NOVA2: variants seen among roughly 807,000 people sequenced by gnomAD.
NOVA2 encodes NOVA alternative splicing regulator 2.
A neutral mutation model predicts 22.5 loss-of-function variants in NOVA2; 9 were observed. That is an observed-to-expected ratio of 0.40 (90% confidence interval 0.24 to 0.70). NOVA2 has a LOEUF of 0.70. Ranked by LOEUF, NOVA2 falls within the 30% of genes least tolerant of loss-of-function variation. The pLI is 0.38. For missense variants in NOVA2, 383 were observed against 682.8 expected, an observed-to-expected ratio of 0.56 and a Z score of 4.89; for synonymous variants, 318 against 335.2, an observed-to-expected ratio of 0.95 and a Z score of 0.56.
chr19:45,964,038 T>G (rs1259446364), intron 1 of NOVA2, among the ~76,000 whole-genome samples: 1 of 152,040 alleles, frequency 6.6e-6, no homozygotes, highest in Non-Finnish European at 1.5e-5. Flanking sequence ...CAGCACATAC[T>G]AGGTTTGCAA....
rs957417860 is a variant in NOVA2 at position 45,938,500 on chromosome 19, C to A, written c.*1363G>T. On this transcript the variant is annotated 3_prime_UTR_variant, in exon 4 of 4. Transcript: ENST00000263257. Reference sequence around the variant, plus strand: ...CCATACTGGCCTGACAGAGCCACCACACACTTGGCTCACCCGATTCAATGA... The same window carrying A: ...CCATACTGGCCTGACAGAGCCACCAAACACTTGGCTCACCCGATTCAATGA... The A allele has an allele frequency of 6.6e-6, 1 of 152,638 alleles. No individual in the cohort carries two copies. The highest frequency in any genetic ancestry group is 2.4e-5 in the African/African-American group (1 of 41,464). The allele number at this position is 152,638 out of a possible 1,614,324, so 9.5% of individuals were successfully genotyped here. A position where few individuals can be genotyped will look rare whatever the true frequency, so the allele number is the denominator to read the frequency against.
At position 45,940,432 on chromosome 19, in the gene NOVA2, C is replaced by A. The variant is rs1345027347; in HGVS notation, c.910G>T (p.Ala304Ser). Reference sequence around the variant, plus strand: ...ACGGCGGCCAGGACGCCGGAAGCTGCGGCCGAGTTGAGGCCCAGGCCCAGG... The same window carrying A: ...ACGGCGGCCAGGACGCCGGAAGCTGAGGCCGAGTTGAGGCCCAGGCCCAGG... Reference protein sequence around the residue: ...NSLGLGLNSAAASGVLAAVAA... With the variant: ...NSLGLGLNSASASGVLAAVAA... The change falls in exon 4 of 4, where the codon GCA becomes TCA. Residue 304 changes from alanine to serine, a missense_variant. Coordinates refer to ENST00000263257, the MANE Select transcript of NOVA2 (RefSeq NM_002516.4). The A allele has an allele frequency of 6.7e-7, 1 of 1,501,918 alleles. No individual in the cohort carries two copies. The highest frequency in any genetic ancestry group is 8.9e-7 in the Non-Finnish European group (1 of 1,124,100). 93.0% of individuals were successfully genotyped at this position (1,501,918 alleles called of 1,614,324 possible). A position where few individuals can be genotyped will look rare whatever the true frequency, so the allele number is the denominator to read the frequency against.
intron 3 of NOVA2, 31 bp from the exon 4 acceptor site, chr19:45,940,976 A>C (rs1295975344): frequency 6.5e-7 from 1 of 1,545,550 alleles, no homozygotes. Flanking sequence ...AGGGTCTTTA[A>C]TTTTATTTTT....
intron 2 of NOVA2, among the ~76,000 whole-genome samples, chr19:45,960,061 A>C (rs1295621060): frequency 4.8e-5 from 7 of 145,234 alleles, no homozygotes. Flanking sequence ...GAATAGAGAG[A>C]GTGGAGGGGC....
chr19:45,972,836 A>G (rs1351313199), intron 1 of NOVA2, among the ~76,000 whole-genome samples: 2 of 152,070 alleles, frequency 1.3e-5, no homozygotes, highest in Non-Finnish European at 2.9e-5. Context: ...ACCCTTGTTC[A>G]GGACATCCCC....
chr19:45,962,026 G>A (rs1483589208), intron 1 of NOVA2, among the ~76,000 whole-genome samples: 3 of 152,184 alleles, frequency 2.0e-5, no homozygotes, highest in Non-Finnish European at 4.4e-5. Flanking sequence ...CCACAGTGAG[G>A]TCCTTAACTT....
intron 1 of NOVA2, among the ~76,000 whole-genome samples, chr19:45,965,717 G>A (rs902529974): frequency 3.3e-5 from 5 of 151,024 alleles, no homozygotes; most frequent in African/African-American, 1.2e-4. Flanking sequence ...GTGACAGAGT[G>A]AGACTGTGTC....
At position 45,939,464 on chromosome 19, in the gene NOVA2, G is replaced by T. The variant is rs537383279; in HGVS notation, c.*399C>A. ...ATATGGAAACAAAAACTTATAAAGGGGGAAAAAATCCTTACCAAAAAAAAA... is the reference window on the plus strand; with the variant it reads ...ATATGGAAACAAAAACTTATAAAGGTGGAAAAAATCCTTACCAAAAAAAAA... On this transcript the variant is annotated 3_prime_UTR_variant, in exon 4 of 4. Coordinates refer to ENST00000263257, the MANE Select transcript of NOVA2 (RefSeq NM_002516.4). 6.3e-4 allele frequency: 88 copies of T among 139,286 alleles called. No homozygotes were observed. Among genetic ancestry groups the T allele is most frequent in the Non-Finnish European group, 7.9e-4 (54 of 68,106 alleles). The allele number at this position is 139,286 out of a possible 1,614,324, so 8.6% of individuals were successfully genotyped here.
Position 45,938,579 on chromosome 19 carries a change from G to A in NOVA2, c.*1284C>T, listed in dbSNP as rs930505270. ...CACAAAAGGCAGGGGTGGGAAGGGA[G>A]GTCTTTAACAGTAGTTTGCACTAGG... On this transcript the variant is annotated 3_prime_UTR_variant, in exon 4 of 4. Transcript: ENST00000263257. 2.0e-5 allele frequency: 3 copies of A among 152,492 alleles called. No homozygotes were observed. Among genetic ancestry groups the A allele is most frequent in the African/African-American group, 7.2e-5 (3 of 41,452 alleles). 9.4% of individuals were successfully genotyped at this position (152,492 alleles called of 1,614,324 possible).
At chr19:45,970,574 C>G (rs926175761) in intron 1 of NOVA2, among the ~76,000 whole-genome samples, 1 of 152,004 alleles carries the variant, frequency 6.6e-6, no homozygotes, top group Admixed American at 6.6e-5. Context: ...TGGGGTCTCA[C>G]CATGTTGGCC....
intron 2 of NOVA2, among the ~76,000 whole-genome samples, chr19:45,954,374 A>C (rs930410596): frequency 6.6e-6 from 1 of 151,832 alleles, no homozygotes; most frequent in Non-Finnish European, 1.5e-5. Flanking sequence ...AGTAACTGGA[A>C]CCCCCTTATC....
intron 3 of NOVA2, among the ~76,000 whole-genome samples, chr19:45,945,464 G>A (rs1294273074): frequency 6.6e-6 from 1 of 151,842 alleles, no homozygotes; most frequent in Non-Finnish European, 1.5e-5. Flanking sequence ...TTTTTAAATA[G>A]GGTCTTGCTC....
rs748843460 is a variant in NOVA2, at chr19:45,973,341, T to C, written c.11A>G (p.Glu4Gly). The C allele has an allele frequency of 1.7e-6, 2 of 1,183,966 alleles. No homozygotes were observed. Among genetic ancestry groups the C allele is most frequent in the Non-Finnish European group, 2.1e-6 (2 of 940,988 alleles). 73.3% of individuals were successfully genotyped at this position (1,183,966 alleles called of 1,614,324 possible). A position where few individuals can be genotyped will look rare whatever the true frequency, so the allele number is the denominator to read the frequency against. The change falls in exon 1 of 4, where the codon GAG becomes GGG. Residue 4 changes from glutamate to glycine, a missense_variant. Coordinates refer to ENST00000263257, the MANE Select transcript of NOVA2 (RefSeq NM_002516.4). MEP[E>G]APDSRKRPLE... is the part of the protein sequence containing the mutation. ...GGGCCTCTTGCGGGAATCCGGGGCC[T>C]CGGGCTCCATGGGGGGGGCCTGGGG...
chr19:45,954,030 G>C, intron 2 of NOVA2, 84 bp from the exon 3 acceptor site: 1 of 1,454,180 alleles, frequency 6.9e-7, no homozygotes, highest in Admixed American at 1.7e-5. Flanking sequence ...TAATGGAAGA[G>C]GCAAGCTGAG....
At position 45,958,527 on chromosome 19, in the gene NOVA2, GAC is replaced by G. The variant is rs536172579; in HGVS notation, c.229+2481_229+2482del. On this transcript the variant is annotated intron_variant, in intron 2 of 3. Coordinates refer to ENST00000263257, the MANE Select transcript of NOVA2 (RefSeq NM_002516.4). ...TGTGTAAGCATGTGTGACAATGTGTGACAGTGTGTGTGACTGTGTGTAAGCGT... is the reference window on the plus strand; with the variant it reads ...TGTGTAAGCATGTGTGACAATGTGTGAGTGTGTGTGACTGTGTGTAAGCGT... 3.2e-4 allele frequency among the ~76,000 whole-genome samples: 44 copies of G among 135,470 alleles called. No individual in the cohort carries two copies. The East Asian group carries it at 0.011, about 34-fold the overall frequency. The allele number at this position is 135,470 out of a possible 152,430, so 88.9% of individuals were successfully genotyped here.
At chr19:45,952,958 C>A (rs932931553) in intron 3 of NOVA2, among the ~76,000 whole-genome samples, 1 of 152,242 alleles carries the variant, frequency 6.6e-6, no homozygotes, top group African/African-American at 2.4e-5. Context: ...TAGACGTTAA[C>A]GAGCCCTCGC....
rs557853811 is a variant in NOVA2 at position 45,950,517 on chromosome 19, C to T, written c.396+3263G>A. ...TGCCCAGTGCCTGGCACATGGGAAGCGCTAAGCCAATGGCAGCTGCCTTCA... is the reference window on the plus strand; with the variant it reads ...TGCCCAGTGCCTGGCACATGGGAAGTGCTAAGCCAATGGCAGCTGCCTTCA... On this transcript the variant is annotated intron_variant, in intron 3 of 3. Transcript: ENST00000263257. Among the ~76,000 whole-genome samples the T allele has an allele frequency of 6.6e-5, 10 of 152,280 alleles. No homozygotes were observed. The South Asian group carries it at 1.7e-3, about 25-fold the overall frequency.
chr19:45,956,547 G>A (rs1023885301), intron 2 of NOVA2, among the ~76,000 whole-genome samples: 1 of 151,728 alleles, frequency 6.6e-6, no homozygotes, highest in Non-Finnish European at 1.5e-5. Flanking sequence ...CTCAGATCAC[G>A]GCAACCTCTG....
chr19:45,942,883 C>G (rs962563799), intron 3 of NOVA2, among the ~76,000 whole-genome samples: 1 of 151,558 alleles, frequency 6.6e-6, no homozygotes, highest in African/African-American at 2.4e-5. Context: ...CTTCCCATGT[C>G]CCCTTAAACC....
Sources: allele counts gnomAD v4.1 joint callset (sites outside exome capture counted in the v4.1 genomes callset), GRCh38; gene constraint gnomAD v4.1.1; transcripts MANE v1.5; gene names NCBI Gene and HGNC (gene_info 2026-07-23, HGNC 2026-07-21).